Variants in AEN observed in about 807,000 individuals in gnomAD.
AEN encodes apoptosis-enhancing nuclease.
A neutral mutation model predicts 17.7 loss-of-function variants in AEN; 21 were observed. That is an observed-to-expected ratio of 1.19 (90% CI 0.84 to 1.71). The LOEUF (loss-of-function observed/expected upper bound fraction) is 1.71, where lower values mean the gene tolerates loss of function less well. Among genes scored for constraint, AEN ranks in the 40% most tolerant of loss-of-function variants. The probability of loss-of-function intolerance (pLI) is 0.00; values close to 1 mark genes in which losing one functional copy is unlikely to be tolerated. For missense variants in AEN, 462 were observed against 435.9 expected, an observed-to-expected ratio of 1.06 and a Z score of -0.53; for synonymous variants, 190 against 173.0, an observed-to-expected ratio of 1.10 and a Z score of -0.77.
intron 1 of AEN, 28 bp from the exon 2 acceptor site, chr15:88,626,118 C>A: frequency 2.1e-6 from 3 of 1,398,530 alleles, no homozygotes; most frequent in South Asian, 3.0e-5. Flanking sequence ...TCTCACCCAG[C>A]CCCTCTGCCT....
chr15:88,612,357 G>C, the AEN span, among the ~76,000 whole-genome samples: 2 of 151,962 alleles, frequency 1.3e-5, no homozygotes, highest in South Asian at 2.1e-4. Context: ...CTGGCAGCAG[G>C]GGGGACACAC....
At chr15:88,627,087 C>T (rs2057864295) in intron 2 of AEN, 3 of 283,698 alleles carry the variant, frequency 1.1e-5, no homozygotes, top group Non-Finnish European at 2.0e-5. Context: ...GCATCACGTT[C>T]AGGTATGGAT....
the AEN span, chr15:88,611,740 C>A: frequency 1.2e-5 from 4 of 344,220 alleles, no homozygotes; most frequent in Admixed American, 4.6e-5. Context: ...GGAGCGGAGA[C>A]AACGCCTCGC....
chr15:88,629,134 A>G (rs2057891963), intron 2 of AEN, 92 bp from the exon 3 acceptor site: 3 of 1,243,128 alleles, frequency 2.4e-6, no homozygotes, highest in South Asian at 2.6e-5. Context: ...ACAGGGATCC[A>G]TGCATCTATT....
chr15:88,625,985 T>C (rs2057845922), intron 1 of AEN, among the ~76,000 whole-genome samples, 161 bp from the exon 2 acceptor site: 1 of 152,066 alleles, frequency 6.6e-6, no homozygotes, highest in East Asian at 1.9e-4. Context: ...ATGAATGCTT[T>C]TATTAGTGAA....
At chr15:88,607,597 A>G in the AEN span, among the ~76,000 whole-genome samples, 30 of 152,332 alleles carry the variant, frequency 2.0e-4, no homozygotes, top group Middle Eastern at 3.4e-3. Flanking sequence ...AAACTGAGAT[A>G]TTACTTGACA....
At position 88,630,232 on chromosome 15, in the gene AEN, C is replaced by T. The variant is rs774391170; in HGVS notation, c.916C>T (p.Pro306Ser). ...ACAGTACATGGAGGACCAGTACTGGCCCGATGACCTGGCCCACGGCAGCAG... is the reference window on the plus strand; with the variant it reads ...ACAGTACATGGAGGACCAGTACTGGTCCGATGACCTGGCCCACGGCAGCAG... ...MEQYMEDQYW[P>S]DDLAHGSRGG... is the part of the protein sequence containing the mutation. Residue 306 changes from proline (P) to serine (S), a missense_variant, in exon 4 of 4, where the codon CCC (proline) becomes TCC (serine). By Grantham distance (74) the Pro-to-Ser change is moderately conservative. Transcript: ENST00000332810. The surrounding 1 kb of genome is among the most constrained non-coding windows in gnomAD (Gnocchi z 5.1). The T allele has an allele frequency of 5.6e-6, 9 of 1,604,438 alleles. No homozygotes were observed. The East Asian group carries it at 2.0e-4, about 36-fold the overall frequency.
chr15:88,629,970 A>C (rs1283946827), intron 3 of AEN, 88 bp from the exon 4 acceptor site: 1 of 1,277,650 alleles, frequency 7.8e-7, no homozygotes. Context: ...GGCCTGCACA[A>C]AGAGCCCTGG....
At chr15:88,614,563 G>A in the AEN span, among the ~76,000 whole-genome samples, 3 of 152,164 alleles carry the variant, frequency 2.0e-5, no homozygotes, top group African/African-American at 4.8e-5. Context: ...GGCGATACAA[G>A]GGTCACGGCA....
At chr15:88,614,844 T>G in the AEN span, among the ~76,000 whole-genome samples, 17 of 152,126 alleles carry the variant, frequency 1.1e-4, no homozygotes, top group African/African-American at 4.1e-4. Flanking sequence ...GGGTGGGGTG[T>G]GACCCAAGCG....
the AEN span, chr15:88,605,023 A>G: frequency 2.0e-5 from 3 of 152,298 alleles, no homozygotes; most frequent in Admixed American, 6.5e-5. The surrounding 1 kb of genome is among the most constrained non-coding windows in gnomAD (Gnocchi z 7.6). Context: ...GAAGCAGCCA[A>G]CTGGAGCTGA....
chr15:88,620,987 G>T (rs921430489), upstream of AEN, among the ~76,000 whole-genome samples: 1 of 58,448 alleles, frequency 1.7e-5, no homozygotes, highest in African/African-American at 3.0e-5. Context: ...CTGCAGATGT[G>T]GGTGTACTCA....
the AEN span, among the ~76,000 whole-genome samples, chr15:88,607,036 A>T: frequency 6.6e-6 from 1 of 152,252 alleles, no homozygotes; most frequent in East Asian, 1.9e-4. Context: ...TCTACTGTAG[A>T]GAGAAACTTT....
chr15:88,631,899 G>A lies in AEN; in HGVS notation c.*1605G>A, dbSNP rs961470090. On this transcript the variant is annotated 3_prime_UTR_variant, in exon 4 of 4. Coordinates refer to ENST00000332810, the MANE Select transcript of AEN (RefSeq NM_022767.4). ...TCCGGTCAGTGTCCCGACACTGTGCGGGAGGTGACAACAGAGCAAAGCAGC... is the reference window on the plus strand; with the variant it reads ...TCCGGTCAGTGTCCCGACACTGTGCAGGAGGTGACAACAGAGCAAAGCAGC... The A allele has an allele frequency of 6.6e-6, 1 of 152,390 alleles. No homozygotes were observed. Among genetic ancestry groups the A allele is most frequent in the African/African-American group, 2.4e-5 (1 of 41,460 alleles). 9.4% of individuals were successfully genotyped at this position (152,390 alleles called of 1,614,324 possible). A position where few individuals can be genotyped will look rare whatever the true frequency, so the allele number is the denominator to read the frequency against.
chr15:88,614,923 T>C, the AEN span, among the ~76,000 whole-genome samples: 1 of 152,178 alleles, frequency 6.6e-6, no homozygotes. Context: ...AGTCTCGCTC[T>C]GTCGCCCAGG....
In AEN at chr15:88,630,481, C is replaced by T; in HGVS notation, c.*187C>T. On this transcript the variant is annotated 3_prime_UTR_variant, in exon 4 of 4. Coordinates refer to ENST00000332810, the MANE Select transcript of AEN (RefSeq NM_022767.4). This position sits in a 1 kb window ranked among gnomAD's most constrained non-coding sequence, Gnocchi z 5.1. ...CACACAGCATAGCCCTCTCTCTCTC[C>T]AGGGCTGTTGGTTCTTTCTTCTGAC... 5.0e-6 allele frequency: 3 copies of T among 603,566 alleles called. No individual in the cohort carries two copies. The East Asian group carries it at 8.4e-5, about 17-fold the overall frequency. The allele number at this position is 603,566 out of a possible 1,614,324, so 37.4% of individuals were successfully genotyped here.
At chr15:88,621,929 A>C (rs2057793262) in intron 1 of AEN, 1 of 152,194 alleles carries the variant, frequency 6.6e-6, no homozygotes, top group Non-Finnish European at 1.5e-5. Flanking sequence ...AGTGGGCCTG[A>C]AAATCAGCCT....
intron 1 of AEN, among the ~76,000 whole-genome samples, chr15:88,624,746 T>C (rs1188754864): frequency 6.6e-6 from 1 of 151,982 alleles, no homozygotes; most frequent in African/African-American, 2.4e-5. Flanking sequence ...TAGCCAGGCG[T>C]GGTGGTGCAT....
At chr15:88,614,418 C>A in the AEN span, among the ~76,000 whole-genome samples, 5 of 152,226 alleles carry the variant, frequency 3.3e-5, no homozygotes, top group Admixed American at 3.3e-4. Context: ...TCAGGCTGGT[C>A]TTAAACTCCT....
Sources: gnomAD v4.1 joint callset for allele counts (sites outside exome capture counted in the v4.1 genomes callset) on GRCh38, gnomAD v4.1.1 for gene constraint, Gnocchi (gnomAD v3.1) non-coding constraint, MANE v1.5 for transcripts, NCBI Gene and HGNC (gene_info 2026-07-23, HGNC 2026-07-21) for gene names.